TTLL1: variants seen among roughly 807,000 people sequenced by gnomAD.
TTLL1 encodes the protein polyglutamylase complex subunit TTLL1.
A neutral mutation model predicts 47.8 loss-of-function variants in TTLL1; 33 were observed. The observed-to-expected ratio is 0.69, with a 90% CI of 0.52 to 0.92. The LOEUF (loss-of-function observed/expected upper bound fraction) is 0.92. Among genes scored for constraint, TTLL1 ranks in the 40% least tolerant of loss-of-function variants. TTLL1 has a pLI of 0.00. For missense variants in TTLL1, 488 were observed against 547.5 expected (o/e 0.89, Z 1.08); for synonymous variants, 225 against 214.1 (o/e 1.05, Z -0.45).
intron 3 of TTLL1, among the ~76,000 whole-genome samples, chr22:43,071,693 A>G (rs1928135077): frequency 2.0e-5 from 3 of 152,222 alleles, no homozygotes; most frequent in African/African-American, 7.2e-5. Flanking sequence ...TGCAGGCGTG[A>G]GCCACCATGC....
intron 4 of TTLL1, 172 bp downstream of exon 4, chr22:43,069,463 AG>A (rs1322505025): frequency 2.6e-6 from 3 of 1,154,736 alleles, no homozygotes; most frequent in Non-Finnish European, 3.6e-6. Flanking sequence ...TGCCACACTC[AG>A]GCCCCTCCTT....
intron 9 of TTLL1, among the ~76,000 whole-genome samples, chr22:43,049,162 C>T (rs985150174): frequency 6.6e-6 from 1 of 151,338 alleles, no homozygotes; most frequent in Non-Finnish European, 1.5e-5. Context: ...GGAGCAGTTG[C>T]TCACACTTGT....
At position 43,049,242 on chromosome 22, in the gene TTLL1, T is replaced by C. The variant is rs28854268; in HGVS notation, c.978+2559A>G. Reference sequence around the variant, plus strand: ...CCAGGAGTTCAAAACCAGCTTGGGATGCTGGGCATGGTGGCTCATGCCTGT... The same window carrying C: ...CCAGGAGTTCAAAACCAGCTTGGGACGCTGGGCATGGTGGCTCATGCCTGT... On this transcript the variant is annotated intron_variant, in intron 9 of 10. Transcript: ENST00000266254. 2.8e-3 allele frequency among the ~76,000 whole-genome samples: 432 copies of C among 151,716 alleles called. 4 individuals are homozygous for C. The highest frequency in any genetic ancestry group is 0.01 in the African/African-American group (414 of 41,366).
At chr22:43,051,090 G>C (rs1473975951) in intron 9 of TTLL1, among the ~76,000 whole-genome samples, 2 of 152,224 alleles carry the variant, frequency 1.3e-5, no homozygotes, top group Non-Finnish European at 1.5e-5. Flanking sequence ...ACTGGCAAAT[G>C]AACTTGGTTG....
chr22:43,049,605 A>C (rs903934261), intron 9 of TTLL1, among the ~76,000 whole-genome samples: 27 of 150,278 alleles, frequency 1.8e-4, no homozygotes, highest in African/African-American at 6.6e-4. Flanking sequence ...TCTCCACAAA[A>C]AAAAAAAAAA....
chr22:43,067,812 T>G (rs1238794987), intron 5 of TTLL1, among the ~76,000 whole-genome samples: 1 of 151,458 alleles, frequency 6.6e-6, no homozygotes, highest in Non-Finnish European at 1.5e-5. Context: ...CCTCTCTCTC[T>G]TTCTTTTTTT....
chr22:43,054,610 G>A (rs1362753788), intron 8 of TTLL1, among the ~76,000 whole-genome samples: 11 of 151,586 alleles, frequency 7.3e-5, no homozygotes, highest in Non-Finnish European at 1.3e-4. Flanking sequence ...TTTTAGTAGA[G>A]ATAGGATTTC....
chr22:43,080,902 C>CTCTTTTTTTTTT (rs1928833162), intron 1 of TTLL1, among the ~76,000 whole-genome samples: 1 of 69,284 alleles, frequency 1.4e-5, no homozygotes, highest in Non-Finnish European at 2.6e-5. Context: ...TGTTGCATGA[C>CTCTTTTTTTTTT]TTTTTTTTTT....
intron 2 of TTLL1, among the ~76,000 whole-genome samples, chr22:43,078,567 G>A (rs543433053): frequency 2.0e-5 from 3 of 152,084 alleles, no homozygotes; most frequent in Admixed American, 1.3e-4. Context: ...GAGTCCGGGT[G>A]CCCTGATTCA....
chr22:43,063,900 C>T lies in TTLL1; in HGVS notation c.660G>A (p.Arg220=), dbSNP rs1846427191. 2 of 1,614,018 alleles carry T rather than the reference C, an allele frequency of 1.2e-6. No individual in the cohort carries two copies. The highest frequency in any genetic ancestry group is 3.3e-5 in the Admixed American group (2 of 59,980). The change falls in exon 7 of 11, where the codon CGG becomes CGA. Residue 220 remains arginine, a synonymous_variant. Coordinates refer to ENST00000266254, the MANE Select transcript of TTLL1 (RefSeq NM_012263.5). ...TCGGGGTGTATTTCACTGTGCAGAA[C>T]CGGCAAAACCCAAGCTTGTACCTAG... ...RCYMYKLGFC[R]FCTVKYTPST...
intron 5 of TTLL1, among the ~76,000 whole-genome samples, chr22:43,066,395 G>A (rs529218270): frequency 3.3e-5 from 5 of 151,728 alleles, no homozygotes; most frequent in African/African-American, 4.8e-5. Context: ...AATGCTCCTC[G>A]GGCCTGGCCA....
intron 5 of TTLL1, 97 bp downstream of exon 5, chr22:43,068,313 T>G: frequency 8.9e-7 from 1 of 1,129,916 alleles, no homozygotes; most frequent in African/African-American, 1.6e-5. Context: ...TGAGACTCTG[T>G]CAAAAAAAAA....
At chr22:43,087,237 C>T (rs1380316495) in intron 1 of TTLL1, among the ~76,000 whole-genome samples, 1 of 152,214 alleles carries the variant, frequency 6.6e-6, no homozygotes, top group Non-Finnish European at 1.5e-5. Flanking sequence ...AAAGCATGGC[C>T]CACATGTGAG....
At chr22:43,082,619 G>C (rs1033080454) in intron 1 of TTLL1, among the ~76,000 whole-genome samples, 9 of 152,080 alleles carry the variant, frequency 5.9e-5, no homozygotes, top group Admixed American at 6.6e-5. Context: ...AGGAGGCTGA[G>C]GCAGGAGAAT....
In TTLL1 at chr22:43,072,059, T is replaced by C. The variant is rs554585386; in HGVS notation, c.114-2215A>G. 1.3e-4 allele frequency among the ~76,000 whole-genome samples: 20 copies of C among 152,296 alleles called. No individual in the cohort carries two copies. The East Asian group carries it at 3.9e-3, about 29-fold the overall frequency. ...ATTTTTACTGTATTCCACTGGTCAA[T>C]GTGGTCAAAGAGTCTTTCACGAGGA... On this transcript the variant is annotated intron_variant, in intron 3 of 10. Coordinates refer to ENST00000266254, the MANE Select transcript of TTLL1 (RefSeq NM_012263.5).
chr22:43,071,090 T>TC (rs1258695112), intron 3 of TTLL1, among the ~76,000 whole-genome samples: 1 of 151,844 alleles, frequency 6.6e-6, no homozygotes, highest in African/African-American at 2.4e-5. Flanking sequence ...ATTTTTATAA[T>TC]TTTTTTTGTA....
At chr22:43,073,710 C>T (rs1264683528) in intron 3 of TTLL1, among the ~76,000 whole-genome samples, 1 of 152,112 alleles carries the variant, frequency 6.6e-6, no homozygotes, top group South Asian at 2.1e-4. Context: ...CTTAACCCAC[C>T]CCCCCATACT....
At chr22:43,060,190 G>C (rs778150349) in intron 7 of TTLL1, among the ~76,000 whole-genome samples, 3 of 152,174 alleles carry the variant, frequency 2.0e-5, no homozygotes, top group Non-Finnish European at 2.9e-5. Context: ...ATGCCTCACA[G>C]CACAGGCTGT....
intron 2 of TTLL1, among the ~76,000 whole-genome samples, 167 bp from the exon 3 acceptor site, chr22:43,075,757 A>C (rs1002927589): frequency 3.9e-5 from 6 of 152,180 alleles, no homozygotes; most frequent in Non-Finnish European, 7.4e-5. Flanking sequence ...CAATGTCTAG[A>C]GAGTCTGGTT....
Sources: gnomAD v4.1 joint callset for allele counts (sites outside exome capture counted in the v4.1 genomes callset) on GRCh38, gnomAD v4.1.1 for gene constraint, MANE v1.5 for transcripts, NCBI Gene and HGNC (gene_info 2026-07-23, HGNC 2026-07-21) for gene names.